The following STAU1 variants were observed in gnomAD, a reference collection of about 807,000 sequenced individuals.
The protein encoded by STAU1 is staufen double-stranded RNA binding protein 1.
In STAU1, 13 loss-of-function variants were observed where a neutral mutation model predicts 62.9. The ratio of observed to expected loss-of-function variants is 0.21; its 90% CI spans 0.13 to 0.33. STAU1 has a LOEUF of 0.33. Ranked by LOEUF, STAU1 falls within the 10% of genes least tolerant of loss-of-function variation. The probability of loss-of-function intolerance (pLI) is 1.00; values close to 1 mark genes in which losing one functional copy is unlikely to be tolerated. For missense variants in STAU1, 571 were observed against 712.1 expected (o/e 0.80, Z 2.25); for synonymous variants, 269 against 265.1 (o/e 1.01, Z -0.14).
Position 49,165,862 on chromosome 20 carries a change from A to C in STAU1, c.205+135T>G, listed in dbSNP as rs1019555572. ...AACCAGTGTTCTATATCTGGGATAA[A>C]GAAGTGTGGGTGGTGATACTTTCTT... On this transcript the variant is annotated intron_variant, in intron 3 of 13. Transcript: ENST00000371856. 2.8e-5 allele frequency: 23 copies of C among 825,504 alleles called. No individual in the cohort carries two copies. In the South Asian group the frequency reaches 3.7e-4, roughly 13 times the overall value. 51.1% of individuals were successfully genotyped at this position (825,504 alleles called of 1,614,324 possible). A position where few individuals can be genotyped will look rare whatever the true frequency, so the allele number is the denominator to read the frequency against.
chr20:49,126,574 C>CAA (rs58056780), intron 6 of STAU1, among the ~76,000 whole-genome samples: 299 of 25,028 alleles, frequency 0.012, 5 homozygotes, highest in African/African-American at 0.038. Context: ...TCTCAAAAAG[C>CAA]AAAAAAAAAA....
At chr20:49,184,273 T>C (rs1368950149) in intron 1 of STAU1, among the ~76,000 whole-genome samples, 1 of 151,544 alleles carries the variant, frequency 6.6e-6, no homozygotes, top group Non-Finnish European at 1.5e-5. Context: ...AGAGCTAAAC[T>C]CCATCTCAAA....
intron 2 of STAU1, among the ~76,000 whole-genome samples, chr20:49,170,008 G>C (rs534478867): frequency 7.2e-5 from 11 of 152,292 alleles, no homozygotes; most frequent in African/African-American, 2.4e-4. Context: ...GGCAGTTACC[G>C]TTTTACAAGT....
At chr20:49,190,806 C>T (rs927990020), upstream of STAU1, among the ~76,000 whole-genome samples, 3 of 151,800 alleles carry the variant, frequency 2.0e-5, no homozygotes, top group African/African-American at 7.3e-5. Context: ...AAGTATGTTA[C>T]GATAAATTAT....
At chr20:49,150,443 G>A (rs997694970) in intron 5 of STAU1, among the ~76,000 whole-genome samples, 3 of 151,696 alleles carry the variant, frequency 2.0e-5, no homozygotes, top group Non-Finnish European at 4.4e-5. Context: ...CTCACCGCAA[G>A]CTCCGCCTCC....
chr20:49,120,221 G>T, intron 8 of STAU1, 93 bp from the exon 9 acceptor site: 1 of 1,441,026 alleles, frequency 6.9e-7, no homozygotes, highest in Non-Finnish European at 9.3e-7. Flanking sequence ...ACCAACTATG[G>T]TCAGAAGCAA....
At chr20:49,181,223 C>T (rs1038688245) in intron 1 of STAU1, among the ~76,000 whole-genome samples, 2 of 152,176 alleles carry the variant, frequency 1.3e-5, no homozygotes, top group African/African-American at 4.8e-5. Flanking sequence ...TAGGTAAATT[C>T]AACCTGACCT....
chr20:49,216,804 C>T, the STAU1 span, among the ~76,000 whole-genome samples: 2 of 152,172 alleles, frequency 1.3e-5, no homozygotes, highest in African/African-American at 4.8e-5. Flanking sequence ...AAGCAGATCT[C>T]TGAAGCTCCC....
intron 3 of STAU1, among the ~76,000 whole-genome samples, chr20:49,163,689 T>C (rs1190565959): frequency 2.0e-5 from 3 of 152,210 alleles, no homozygotes; most frequent in Admixed American, 1.3e-4. Flanking sequence ...GCCTCCCAAG[T>C]GCTGGGATTA....
intron 7 of STAU1, among the ~76,000 whole-genome samples, chr20:49,124,088 C>G (rs1409376440): frequency 6.6e-6 from 1 of 152,230 alleles, no homozygotes; most frequent in Non-Finnish European, 1.5e-5. Flanking sequence ...GCCCCACAGA[C>G]CGGCATGGCG....
At chr20:49,184,106 T>C (rs2093758730) in intron 1 of STAU1, among the ~76,000 whole-genome samples, 2 of 152,022 alleles carry the variant, frequency 1.3e-5, no homozygotes, top group Non-Finnish European at 2.9e-5. Flanking sequence ...ATTTTTTTTA[T>C]TTTTAGTAGA....
chr20:49,205,925 C>T, the STAU1 span, among the ~76,000 whole-genome samples: 27 of 151,720 alleles, frequency 1.8e-4, no homozygotes, highest in Middle Eastern at 6.9e-3. Context: ...CTGCCCAACT[C>T]GGCCTCCCAA....
At chr20:49,189,789 TTC>T (rs2096518366), upstream of STAU1, among the ~76,000 whole-genome samples, 1 of 152,154 alleles carries the variant, frequency 6.6e-6, no homozygotes, top group South Asian at 2.1e-4. Flanking sequence ...TTAAAAATAA[TTC>T]TCTCTTTCTT....
chr20:49,151,577 C>G lies in STAU1; in HGVS notation c.510+5G>C, dbSNP rs764866642. 1 of 1,591,798 alleles carries G rather than the reference C, an allele frequency of 6.3e-7. No individual in the cohort carries two copies. Among genetic ancestry groups the G allele is most frequent in the African/African-American group, 1.4e-5 (1 of 73,808 alleles). ...GCGTCAGGGAGCCTGGGCTCAACTC[C>G]TCACCTCCAGCCTCTCTGGCAGGGG... On this transcript the variant is annotated splice_donor_5th_base_variant and intron_variant, in intron 5 of 13. Transcript: ENST00000371856.
At chr20:49,123,269 T>A (rs1358360760) in intron 7 of STAU1, 34 bp from the exon 8 acceptor site, 1 of 1,614,148 alleles carries the variant, frequency 6.2e-7, no homozygotes, top group East Asian at 2.2e-5. Flanking sequence ...CTCTGTAATG[T>A]TATTCACCGC....
chr20:49,131,615 G>A (rs2092751512), intron 6 of STAU1, among the ~76,000 whole-genome samples: 1 of 152,152 alleles, frequency 6.6e-6, no homozygotes, highest in Non-Finnish European at 1.5e-5. Flanking sequence ...GGCCAAGGCA[G>A]GCAGATCGCT....
chr20:49,188,099 CG>C lies in STAU1; in HGVS notation c.-160+16del, dbSNP rs1218266164. ...CGCGAGGGCCCCACCAGGCCCGGCC[CG>C]GCCCGGCCGCCTCACCTGGCTGCTG... On this transcript the variant is annotated intron_variant, in intron 1 of 13. Coordinates refer to ENST00000371856, the MANE Select transcript of STAU1 (RefSeq NM_017453.4). 6.6e-6 allele frequency: 1 copy of C among 151,574 alleles called. No individual in the cohort carries two copies. The highest frequency in any genetic ancestry group is 1.5e-5 in the Non-Finnish European group (1 of 67,924). The allele number at this position is 151,574 out of a possible 1,614,324, so 9.4% of individuals were successfully genotyped here.
intron 6 of STAU1, among the ~76,000 whole-genome samples, chr20:49,130,020 A>C (rs2092717888): frequency 6.6e-6 from 1 of 152,204 alleles, no homozygotes; most frequent in East Asian, 1.9e-4. Context: ...CCACAGATGT[A>C]TATAAATGTT....
chr20:49,148,071 ACTGT>A (rs1267223775), intron 5 of STAU1, among the ~76,000 whole-genome samples: 1 of 152,186 alleles, frequency 6.6e-6, no homozygotes, highest in Non-Finnish European at 1.5e-5. Context: ...ATCTTTTAAA[ACTGT>A]CTCTCTTTAT....
Sources: allele counts gnomAD v4.1 joint callset (sites outside exome capture counted in the v4.1 genomes callset), GRCh38; gene constraint gnomAD v4.1.1; transcripts MANE v1.5; gene names NCBI Gene and HGNC (gene_info 2026-07-23, HGNC 2026-07-21).